Variants in FRMD4A observed in about 807,000 individuals in gnomAD.
The protein encoded by FRMD4A is FERM domain-containing protein 4A.
In FRMD4A, 29 loss-of-function variants were observed where a neutral mutation model predicts 129.1. The observed-to-expected ratio is 0.22, with a 90% CI of 0.17 to 0.31. FRMD4A has a LOEUF of 0.31. Ranked by LOEUF, FRMD4A falls within the 10% of genes least tolerant of loss-of-function variation. The probability of loss-of-function intolerance (pLI) is 1.00; values close to 1 mark genes in which losing one functional copy is unlikely to be tolerated. For synonymous variants in FRMD4A, 634 were observed against 571.6 expected, an observed-to-expected ratio of 1.11 and a Z score of -1.56; for missense variants, 1,272 against 1,375.8, an observed-to-expected ratio of 0.92 and a Z score of 1.19.
chr10:13,758,446 T>C (rs1360883800), intron 8 of FRMD4A, among the ~76,000 whole-genome samples: 2 of 152,228 alleles, frequency 1.3e-5, no homozygotes, highest in Non-Finnish European at 2.9e-5. Context: ...GCCATTCCTT[T>C]AAATAAAACT....
chr10:14,180,005 G>T (rs1057235838), intron 2 of FRMD4A, among the ~76,000 whole-genome samples: 1 of 152,200 alleles, frequency 6.6e-6, no homozygotes, highest in African/African-American at 2.4e-5. Flanking sequence ...CTGCACTCCA[G>T]CCTGGGCTAC....
chr10:14,243,663 G>A (rs1230871422), intron 2 of FRMD4A, among the ~76,000 whole-genome samples: 2 of 152,080 alleles, frequency 1.3e-5, no homozygotes, highest in East Asian at 3.9e-4. Flanking sequence ...AGGGGGATGG[G>A]GAGTACTTAT....
chr10:13,756,149 G>C (rs2091851097), intron 8 of FRMD4A: 1 of 152,184 alleles, frequency 6.6e-6, no homozygotes, highest in African/African-American at 2.4e-5. Context: ...TCCCAGAAGA[G>C]GGTCCAGAGT....
At chr10:14,085,722 T>G (rs1436477254) in intron 2 of FRMD4A, among the ~76,000 whole-genome samples, 1 of 152,176 alleles carries the variant, frequency 6.6e-6, no homozygotes, top group Non-Finnish European at 1.5e-5. Context: ...TGTGGAAACC[T>G]CCTCTCTGTG....
At chr10:13,891,698 C>T in intron 2 of FRMD4A, 1 of 985,038 alleles carries the variant, frequency 1.0e-6, no homozygotes, top group Non-Finnish European at 1.2e-6. Context: ...AACGGGCGTC[C>T]CATTCGCCCG....
chr10:13,963,852 T>G (rs1026751886), intron 2 of FRMD4A, among the ~76,000 whole-genome samples: 1 of 152,120 alleles, frequency 6.6e-6, no homozygotes, highest in Non-Finnish European at 1.5e-5. Flanking sequence ...AGACAGCCAG[T>G]GTTAGAGCAT....
chr10:13,830,952 G>A (rs554748634), intron 3 of FRMD4A, among the ~76,000 whole-genome samples: 1 of 152,162 alleles, frequency 6.6e-6, no homozygotes, highest in African/African-American at 2.4e-5. Flanking sequence ...ACCAGGCCTG[G>A]CTAATTTTTG....
chr10:13,885,954 T>C (rs11258706), intron 2 of FRMD4A, among the ~76,000 whole-genome samples: 3,356 of 152,234 alleles, frequency 0.022, 152 homozygotes, highest in East Asian at 0.19. Flanking sequence ...AAATATCAGA[T>C]ACTTAGCAGG....
At chr10:14,156,160 C>T (rs191103018) in intron 2 of FRMD4A, among the ~76,000 whole-genome samples, 6 of 152,122 alleles carry the variant, frequency 3.9e-5, no homozygotes, top group Admixed American at 2.0e-4. Context: ...TCATGACTTG[C>T]GGTATATTCA....
At chr10:14,282,144 G>C (rs1264961751) in intron 2 of FRMD4A, among the ~76,000 whole-genome samples, 1 of 152,116 alleles carries the variant, frequency 6.6e-6, no homozygotes, top group Non-Finnish European at 1.5e-5. Context: ...GAACAGTATG[G>C]GGGAAACTGC....
chr10:13,678,016 G>T (rs888186007), intron 15 of FRMD4A, among the ~76,000 whole-genome samples: 3 of 152,144 alleles, frequency 2.0e-5, no homozygotes, highest in African/African-American at 7.2e-5. Flanking sequence ...CTGTGTTCTG[G>T]AATGGCACAA....
At chr10:13,718,303 G>A (rs1564682209) in intron 12 of FRMD4A, among the ~76,000 whole-genome samples, 2 of 152,262 alleles carry the variant, frequency 1.3e-5, no homozygotes, top group Admixed American at 6.5e-5. Context: ...CTGCTGCTGG[G>A]AGAAGGAACG....
At chr10:13,723,506 A>G (rs1245449364) in intron 12 of FRMD4A, among the ~76,000 whole-genome samples, 1 of 152,232 alleles carries the variant, frequency 6.6e-6, no homozygotes, top group African/African-American at 2.4e-5. Flanking sequence ...AGATGACAAG[A>G]GTTCTGAAGA....
intron 24 of FRMD4A, among the ~76,000 whole-genome samples, chr10:13,650,310 G>C (rs960074934): frequency 2.6e-5 from 4 of 152,272 alleles, no homozygotes; most frequent in African/African-American, 9.6e-5. Context: ...CAGAGGATAG[G>C]GGATGAGGCC....
At chr10:14,138,578 G>A (rs1229146884) in intron 2 of FRMD4A, among the ~76,000 whole-genome samples, 2 of 151,952 alleles carry the variant, frequency 1.3e-5, no homozygotes, top group Admixed American at 6.6e-5. Context: ...GGCCAACATG[G>A]TGAAACACCA....
intron 2 of FRMD4A, among the ~76,000 whole-genome samples, chr10:14,098,708 T>C (rs1167329257): frequency 6.6e-6 from 1 of 152,144 alleles, no homozygotes. Flanking sequence ...GCGCCCAGCC[T>C]GAATATGGTT....
At chr10:14,258,322 TAAA>T (rs34613361) in intron 2 of FRMD4A, among the ~76,000 whole-genome samples, 2 of 142,524 alleles carry the variant, frequency 1.4e-5, no homozygotes, top group African/African-American at 5.1e-5. Flanking sequence ...GGGTTTTAAC[TAAA>T]AAAAAAAAGA....
chr10:13,674,960 G>T lies in FRMD4A; in HGVS notation c.1202C>A (p.Thr401Asn). ...CAGTTCCTCCAGCCTCTGACGCAGG[G>T]TTTCCTCCAGAGCTTCCTGCCTGGA... ...LKSRQEALEE[T>N]LRQRLEELKK... Residue 401 changes from threonine to asparagine, a missense_variant, in exon 16 of 25, where the codon ACC (threonine) becomes AAC (asparagine). Physicochemically the swap from Thr to Asn is moderately conservative, Grantham distance 65 (BLOSUM62 0). This residue lies in a region of FRMD4A where 972 missense variants were observed against 892.3 expected (regional missense o/e 1.09). Transcript: ENST00000357447. The T allele has an allele frequency of 6.2e-7, 1 of 1,614,046 alleles. No individual in the cohort carries two copies. The highest frequency in any genetic ancestry group is 1.1e-5 in the South Asian group (1 of 91,076).
intron 3 of FRMD4A, among the ~76,000 whole-genome samples, chr10:13,857,328 T>C (rs1372688601): frequency 2.0e-5 from 3 of 152,040 alleles, no homozygotes; most frequent in African/African-American, 4.8e-5. Flanking sequence ...ACTTAGAAAA[T>C]GTTAGCGAAA....
Sources: allele counts gnomAD v4.1 joint callset (sites outside exome capture counted in the v4.1 genomes callset), GRCh38; gene constraint gnomAD v4.1.1; regional missense constraint gnomAD v4.1.1; transcripts MANE v1.5; gene names NCBI Gene and HGNC (gene_info 2026-07-23, HGNC 2026-07-21).